AMOTL1: variants seen among roughly 807,000 people sequenced by gnomAD.
AMOTL1 encodes the protein angiomotin like 1.
In AMOTL1, 45 loss-of-function variants were observed where a neutral mutation model predicts 102.9. The observed-to-expected ratio is 0.44, with a 90% CI of 0.34 to 0.56. AMOTL1 has a LOEUF of 0.56. Among genes scored for constraint, AMOTL1 ranks in the 20% least tolerant of loss-of-function variants. The pLI is 0.01. For synonymous variants in AMOTL1, 481 were observed against 484.7 expected (o/e 0.99, Z 0.10); for missense variants, 1,114 against 1,225.6 (o/e 0.91, Z 1.36).
chr11:94,766,612 G>A (rs116843093), upstream of AMOTL1, among the ~76,000 whole-genome samples: 63 of 152,196 alleles, frequency 4.1e-4, no homozygotes, highest in East Asian at 7.7e-4. Flanking sequence ...TATTAAATTC[G>A]CGCAAATGTT....
intron 3 of AMOTL1, among the ~76,000 whole-genome samples, chr11:94,801,548 A>G (rs941720740): frequency 6.6e-6 from 1 of 152,112 alleles, no homozygotes; most frequent in African/African-American, 2.4e-5. Flanking sequence ...AATTAGAGGA[A>G]AGGGAGCCCC....
Position 94,830,076 on chromosome 11 carries a change from G to A in AMOTL1, c.1440G>A (p.Ser480=), listed in dbSNP as rs1215229112. 3.1e-6 allele frequency: 5 copies of A among 1,601,220 alleles called. No individual in the cohort carries two copies. Among genetic ancestry groups the A allele is most frequent in the Admixed American group, 3.5e-5 (2 of 57,390 alleles). ...HKFEKELQRI[S]EAYESLVKST... ...TTGAAAAAGAACTTCAGAGAATTTC[G>A]GAAGCCTATGAAAGTCTGGTCAAGT... Residue 480 remains serine, a synonymous_variant, in exon 5 of 13, where the codon TCG becomes TCA. Coordinates refer to ENST00000433060, the MANE Select transcript of AMOTL1 (RefSeq NM_130847.3).
chr11:94,718,545 T>C (rs1333743506), intron 1 of AMOTL1, among the ~76,000 whole-genome samples: 3 of 151,990 alleles, frequency 2.0e-5, no homozygotes, highest in Non-Finnish European at 2.9e-5. Context: ...CTACCAAAGT[T>C]AGAGAATATC....
chr11:94,721,018 G>A (rs1448549169), intron 1 of AMOTL1, among the ~76,000 whole-genome samples: 2 of 152,074 alleles, frequency 1.3e-5, no homozygotes, highest in Non-Finnish European at 2.9e-5. Context: ...CATGCTAAGG[G>A]GAAACCTGTT....
At chr11:94,839,248 G>A (rs1014173754) in intron 6 of AMOTL1, among the ~76,000 whole-genome samples, 2 of 152,240 alleles carry the variant, frequency 1.3e-5, no homozygotes, top group Non-Finnish European at 2.9e-5. Context: ...CAGACCGGCT[G>A]TGGTCATTTA....
At position 94,834,305 on chromosome 11, in the gene AMOTL1, G is replaced by A. The variant is rs146205568; in HGVS notation, c.1648+2764G>A. On this transcript the variant is annotated intron_variant, in intron 6 of 12. Transcript: ENST00000433060. Reference sequence around the variant, plus strand: ...AAGACTGCAATAGAAGTTATGTCTCGGGCCGGGCGCGGTGGCTCACGCCTG... The same window carrying A: ...AAGACTGCAATAGAAGTTATGTCTCAGGCCGGGCGCGGTGGCTCACGCCTG... Among the ~76,000 whole-genome samples the A allele has an allele frequency of 1.1e-3, 167 of 152,128 alleles. 1 individual carries two copies. The highest frequency in any genetic ancestry group is 3.9e-3 in the African/African-American group (160 of 41,510).
At position 94,762,296 on chromosome 11, in the gene AMOTL1, T is replaced by C. The variant is rs188012055; in HGVS notation, c.136+21308T>C. On this transcript the variant is annotated intron_variant, in intron 3 of 4. Coordinates refer to the AMOTL1 transcript ENST00000299004. ...AGAAGCTTGGGAGCTTCTTTTAAAG[T>C]GGGTAACATCAATTAATCAACTAAC... Among the ~76,000 whole-genome samples, 239 of 152,308 alleles carry C rather than the reference T, an allele frequency of 1.6e-3. 1 individual carries two copies. Among genetic ancestry groups the C allele is most frequent in the African/African-American group, 2.6e-3 (106 of 41,566 alleles).
intron 4 of AMOTL1, 52 bp from the exon 5 acceptor site, chr11:94,829,998 A>G (rs1952040580): frequency 1.2e-5 from 18 of 1,516,018 alleles, no homozygotes; most frequent in Non-Finnish European, 1.6e-5. Context: ...TTTTACCAAG[A>G]CACCAGCATG....
At chr11:94,736,193 A>G (rs1225715004) in intron 2 of AMOTL1, among the ~76,000 whole-genome samples, 1 of 152,150 alleles carries the variant, frequency 6.6e-6, no homozygotes, top group Non-Finnish European at 1.5e-5. Flanking sequence ...CCTGGGATGA[A>G]AAGGAGAGCA....
At chr11:94,776,289 A>G (rs1951024902) in intron 1 of AMOTL1, among the ~76,000 whole-genome samples, 2 of 152,182 alleles carry the variant, frequency 1.3e-5, no homozygotes, top group African/African-American at 2.4e-5. Flanking sequence ...CCCTACATCC[A>G]GTCAGTCTTT....
Position 94,821,809 on chromosome 11 carries a change from C to G in AMOTL1, c.1401C>G (p.Asp467Glu), listed in dbSNP as rs200146836. ...TTCAGGGTTACTACGACAATGCCGACAAGCTCCACAAGGTGCGTGACTTCC... is the reference window on the plus strand; with the variant it reads ...TTCAGGGTTACTACGACAATGCCGAGAAGCTCCACAAGGTGCGTGACTTCC... ...QELQGYYDNA[D>E]KLHKFEKELQ... Residue 467 changes from aspartate to glutamate, a missense_variant, in exon 4 of 13, where the codon GAC becomes GAG. Physicochemically the swap from Asp to Glu is conservative, Grantham distance 45. Coordinates refer to ENST00000433060, the MANE Select transcript of AMOTL1 (RefSeq NM_130847.3). 3.3e-4 allele frequency: 535 copies of G among 1,613,800 alleles called. 2 individuals carry two copies. The African/African-American group carries it at 6.3e-3, about 19-fold the overall frequency.
intron 2 of AMOTL1, chr11:94,796,936 C>G (rs912028120): frequency 2.1e-6 from 2 of 950,978 alleles, no homozygotes; most frequent in Middle Eastern, 5.3e-4. Flanking sequence ...CATATCACAC[C>G]ACCTTTGTTT....
rs989345138 is a variant in AMOTL1 at position 94,874,588 on chromosome 11, G to A, written c.*3793G>A. ...CAGTGCTTCTGTTACTCAGGAAGGA[G>A]GTGTTCAGAATGCCCCGTGCAGAGC... On this transcript the variant is annotated 3_prime_UTR_variant, in exon 13 of 13. Transcript: ENST00000433060. The A allele has an allele frequency of 6.6e-6, 1 of 152,206 alleles. No homozygotes were observed. The allele number at this position is 152,206 out of a possible 1,614,324, so 9.4% of individuals were successfully genotyped here.
chr11:94,821,406 C>T (rs1951863263), intron 3 of AMOTL1, 124 bp from the exon 4 acceptor site: 11 of 1,015,884 alleles, frequency 1.1e-5, no homozygotes. Flanking sequence ...GAATACCTCC[C>T]ACTGGGAAGT....
chr11:94,714,888 A>AT (rs1950072654), intron 1 of AMOTL1, among the ~76,000 whole-genome samples: 1 of 151,284 alleles, frequency 6.6e-6, no homozygotes, highest in Non-Finnish European at 1.5e-5. Context: ...CATTATCTTA[A>AT]TTTTTTTCCT....
At chr11:94,737,905 T>C (rs1212562923) in intron 2 of AMOTL1, among the ~76,000 whole-genome samples, 1 of 152,240 alleles carries the variant, frequency 6.6e-6, no homozygotes, top group Non-Finnish European at 1.5e-5. Context: ...TGTAGACAAT[T>C]ATTTTAATGA....
chr11:94,864,060 G>A (rs553413380), intron 9 of AMOTL1, among the ~76,000 whole-genome samples: 7 of 152,262 alleles, frequency 4.6e-5, no homozygotes, highest in South Asian at 4.2e-4. Context: ...ACTTCAGCTT[G>A]GAGCCTCACT....
At chr11:94,792,181 G>A (rs1445408300) in intron 1 of AMOTL1, among the ~76,000 whole-genome samples, 1 of 152,214 alleles carries the variant, frequency 6.6e-6, no homozygotes, top group Non-Finnish European at 1.5e-5. Context: ...GGATATGGGT[G>A]AAGCTAGAAA....
upstream of AMOTL1, among the ~76,000 whole-genome samples, chr11:94,767,103 G>C (rs1454451210): frequency 6.6e-6 from 1 of 152,028 alleles, no homozygotes; most frequent in Non-Finnish European, 1.5e-5. Context: ...TGCAGTACTT[G>C]GATCTCCTGC....
Sources: gnomAD v4.1 joint callset for allele counts (sites outside exome capture counted in the v4.1 genomes callset) on GRCh38, gnomAD v4.1.1 for gene constraint, MANE v1.5 for transcripts, NCBI Gene and HGNC (gene_info 2026-07-23, HGNC 2026-07-21) for gene names.